EML1: variants seen among roughly 807,000 people sequenced by gnomAD.
EML1 encodes the protein EMAP like 1.
EML1 carries 27 observed loss-of-function variants against 110.4 expected under a neutral mutation model. The observed-to-expected ratio is 0.24, with a 90% CI of 0.18 to 0.34. The LOEUF is 0.34. EML1 is among the 10% of genes least tolerant of loss of function. The pLI is 1.00. For missense variants in EML1, 741 were observed against 1,030.9 expected, an observed-to-expected ratio of 0.72 and a Z score of 3.85; for synonymous variants, 344 against 385.8, an observed-to-expected ratio of 0.89 and a Z score of 1.27.
At chr14:99,886,864 C>T (rs1306556517) in intron 4 of EML1, among the ~76,000 whole-genome samples, 1 of 152,240 alleles carries the variant, frequency 6.6e-6, no homozygotes, top group South Asian at 2.1e-4. Context: ...CTTATAAATG[C>T]CAGTCTATGG....
intron 17 of EML1, among the ~76,000 whole-genome samples, chr14:99,930,459 G>A (rs2060348242): frequency 6.6e-6 from 1 of 152,220 alleles, no homozygotes. Context: ...TCAGAGCCAT[G>A]AGCCTAGAGA....
chr14:99,764,993 A>G (rs112735618), intron 1 of EML1, among the ~76,000 whole-genome samples: 27 of 152,294 alleles, frequency 1.8e-4, no homozygotes, highest in African/African-American at 5.1e-4. Flanking sequence ...GCTGGAGCGC[A>G]GTGGAACAAT....
intron 1 of EML1, among the ~76,000 whole-genome samples, chr14:99,841,533 T>C (rs532846850): frequency 1.3e-5 from 2 of 152,304 alleles, no homozygotes; most frequent in South Asian, 4.1e-4. Context: ...GCTCTCTCTC[T>C]TGTGCCTCTA....
chr14:99,881,763 G>A (rs1201431032), intron 4 of EML1, among the ~76,000 whole-genome samples: 1 of 151,962 alleles, frequency 6.6e-6, no homozygotes, highest in Non-Finnish European at 1.5e-5. Context: ...ACCATGCCCA[G>A]CTAAGTTTTA....
chr14:99,758,215 G>A (rs117247315), intron 1 of EML1, among the ~76,000 whole-genome samples: 2,963 of 152,260 alleles, frequency 0.019, 32 homozygotes, highest in Middle Eastern at 0.031. Flanking sequence ...GAGAGTCAAC[G>A]GAAGCCAGAT....
chr14:99,894,662 G>T lies in EML1; in HGVS notation c.581G>T (p.Arg194Leu), dbSNP rs1214245534. 1 of 1,612,342 alleles carries T rather than the reference G, an allele frequency of 6.2e-7. No individual in the cohort carries two copies. Among genetic ancestry groups the T allele is most frequent in the East Asian group, 2.2e-5 (1 of 44,804 alleles). Residue 194 changes from arginine (R) to leucine (L), a missense_variant, in exon 6 of 22, where the codon CGC (arginine) becomes CTC (leucine). Coordinates refer to ENST00000262233, the MANE Select transcript of EML1 (RefSeq NM_004434.3). The stretch of plus-strand genomic sequence containing the variant: ...TATGTAAAAATGTTTCTTCGTGGAC[G>T]CCCTGTTACCATGTACATGCCCAAA... ...EGYVKMFLRG[R>L]PVTMYMPKDQ... is the part of the protein sequence containing the mutation.
At chr14:99,753,207 G>GCCCCACCA (rs1482251681) in intron 1 of EML1, among the ~76,000 whole-genome samples, 5 of 23,660 alleles carry the variant, frequency 2.1e-4, no homozygotes, top group Non-Finnish European at 3.6e-4. Flanking sequence ...CCCCCCCGCC[G>GCCCCACCA]CCCCCCCACC....
chr14:99,878,770 C>A, intron 4 of EML1, 151 bp downstream of exon 4: 1 of 1,204,342 alleles, frequency 8.3e-7, no homozygotes, highest in Non-Finnish European at 1.1e-6. Flanking sequence ...TAGGACTAAT[C>A]AAACAGCCAT....
chr14:99,752,330 A>G (rs994683169), intron 1 of EML1, among the ~76,000 whole-genome samples: 1 of 152,194 alleles, frequency 6.6e-6, no homozygotes, highest in Admixed American at 6.5e-5. Context: ...ACACACATAA[A>G]CACACTCTCA....
intron 1 of EML1, among the ~76,000 whole-genome samples, chr14:99,802,510 A>G (rs1310788800): frequency 6.6e-6 from 1 of 151,960 alleles, no homozygotes; most frequent in Non-Finnish European, 1.5e-5. Context: ...GTTGGGAGCA[A>G]GACGCAGGAG....
At chr14:99,852,099 TG>T (rs1287560077) in intron 2 of EML1, among the ~76,000 whole-genome samples, 2 of 152,202 alleles carry the variant, frequency 1.3e-5, no homozygotes, top group Admixed American at 1.3e-4. Flanking sequence ...TAGAAGATAA[TG>T]GAATTAGACA....
upstream of EML1, among the ~76,000 whole-genome samples, chr14:99,769,017 C>A (rs1373496503): frequency 6.6e-6 from 1 of 152,124 alleles, no homozygotes; most frequent in Non-Finnish European, 1.5e-5. Flanking sequence ...CACGCCTGGC[C>A]TGCTTGTATA....
chr14:99,903,983 G>C (rs10143910), intron 9 of EML1, among the ~76,000 whole-genome samples: 44,584 of 151,666 alleles, frequency 0.29, 8,146 homozygotes, highest in African/African-American at 0.5. Flanking sequence ...GGGTTTCACT[G>C]TGTTGGCCAT....
At chr14:99,885,325 C>G (rs1260023042) in intron 4 of EML1, among the ~76,000 whole-genome samples, 3 of 152,204 alleles carry the variant, frequency 2.0e-5, no homozygotes, top group Non-Finnish European at 4.4e-5. Context: ...GGGCTACAGA[C>G]CTGTACAGCA....
chr14:99,847,084 CCTGATATCTT>C (rs2058718639), intron 1 of EML1, among the ~76,000 whole-genome samples: 1 of 148,654 alleles, frequency 6.7e-6, no homozygotes, highest in African/African-American at 2.5e-5. Context: ...TCTAATTTCT[CCTGATATCTT>C]CTTTGATCCA....
chr14:99,873,005 G>A (rs1246983260), intron 3 of EML1, among the ~76,000 whole-genome samples: 1 of 152,178 alleles, frequency 6.6e-6, no homozygotes, highest in Non-Finnish European at 1.5e-5. Flanking sequence ...TTCGATTGAG[G>A]GCTTGATTTG....
At chr14:99,910,401 T>C in intron 12 of EML1, 60 bp downstream of exon 12, 1 of 1,340,220 alleles carries the variant, frequency 7.5e-7, no homozygotes, top group Non-Finnish European at 1.1e-6. Context: ...AGATCAAACA[T>C]GAGTGCTTTA....
chr14:99,892,612 G>T (rs982442628), intron 5 of EML1, among the ~76,000 whole-genome samples: 2 of 152,186 alleles, frequency 1.3e-5, no homozygotes, highest in Non-Finnish European at 2.9e-5. Flanking sequence ...TTTGATTTTA[G>T]ATGTAGCCTG....
intron 1 of EML1, among the ~76,000 whole-genome samples, chr14:99,823,436 C>T (rs1044922033): frequency 2.6e-5 from 4 of 151,978 alleles, no homozygotes; most frequent in East Asian, 1.9e-4. Flanking sequence ...GATTACACTT[C>T]GGGTCTGGAC....
Sources: allele counts gnomAD v4.1 joint callset (sites outside exome capture counted in the v4.1 genomes callset), GRCh38; gene constraint gnomAD v4.1.1; transcripts MANE v1.5; gene names NCBI Gene and HGNC (gene_info 2026-07-23, HGNC 2026-07-21).